MAF: variants seen among roughly 807,000 people sequenced by gnomAD.
The protein encoded by MAF is MAF bZIP transcription factor.
A neutral mutation model predicts 22.0 loss-of-function variants in MAF; 10 were observed. The observed-to-expected ratio is 0.45, with a 90% CI of 0.28 to 0.77. The LOEUF is 0.77. Ranked by LOEUF, MAF falls within the 30% of genes least tolerant of loss-of-function variation. The pLI is 0.12. For synonymous variants in MAF, 337 were observed against 255.8 expected, an observed-to-expected ratio of 1.32 and a Z score of -3.03; for missense variants, 544 against 548.4, an observed-to-expected ratio of 0.99 and a Z score of 0.08.
At chr16:79,414,627 C>G in the MAF span, among the ~76,000 whole-genome samples, 273 of 152,190 alleles carry the variant, frequency 1.8e-3, no homozygotes, top group African/African-American at 5.5e-3. Context: ...TAAACAGACA[C>G]GGACTAGTGC....
the MAF span, among the ~76,000 whole-genome samples, chr16:79,544,099 A>G: frequency 1.3e-5 from 2 of 152,140 alleles, no homozygotes; most frequent in Admixed American, 1.3e-4. Context: ...TTAAAAAGCT[A>G]CCCCAACAAG....
the MAF span, among the ~76,000 whole-genome samples, chr16:79,334,801 T>C: frequency 6.6e-6 from 1 of 151,932 alleles, no homozygotes; most frequent in Non-Finnish European, 1.5e-5. Flanking sequence ...GTAGTGAGTT[T>C]CCATGCAGGG....
the MAF span, among the ~76,000 whole-genome samples, chr16:79,220,357 A>C: frequency 6.6e-6 from 1 of 152,126 alleles, no homozygotes; most frequent in Non-Finnish European, 1.5e-5. Flanking sequence ...CCACCACTCA[A>C]AAGAACCAAC....
chr16:79,282,463 G>A, the MAF span, among the ~76,000 whole-genome samples: 1 of 152,164 alleles, frequency 6.6e-6, no homozygotes, highest in Admixed American at 6.5e-5. Flanking sequence ...TATTAATGGT[G>A]TCACCAAAGA....
At chr16:79,439,284 C>T in the MAF span, among the ~76,000 whole-genome samples, 6 of 126,610 alleles carry the variant, frequency 4.7e-5, no homozygotes, top group Non-Finnish European at 7.9e-5. Context: ...TTTTTTGAGA[C>T]GGAGTCTTGC....
chr16:79,207,106 T>G, the MAF span, among the ~76,000 whole-genome samples: 2 of 152,186 alleles, frequency 1.3e-5, no homozygotes, highest in African/African-American at 4.8e-5. Context: ...AGACAGGGCG[T>G]GTAGACGGCC....
At chr16:79,500,750 A>C in the MAF span, among the ~76,000 whole-genome samples, 1 of 152,166 alleles carries the variant, frequency 6.6e-6, no homozygotes, top group Non-Finnish European at 1.5e-5. Context: ...AGAGTAAAAA[A>C]AGTACCAGTA....
At chr16:79,561,457 C>A in the MAF span, among the ~76,000 whole-genome samples, 2 of 132,958 alleles carry the variant, frequency 1.5e-5, no homozygotes, top group Admixed American at 1.6e-4. Flanking sequence ...CTAATGCTAT[C>A]CCTCCCCCCT....
the MAF span, among the ~76,000 whole-genome samples, chr16:79,498,858 A>T: frequency 6.6e-6 from 1 of 152,166 alleles, no homozygotes; most frequent in Admixed American, 6.5e-5. Flanking sequence ...ATCCATTCTT[A>T]AAACCTCTCC....
At chr16:79,430,831 C>T in the MAF span, among the ~76,000 whole-genome samples, 14 of 152,360 alleles carry the variant, frequency 9.2e-5, no homozygotes, top group South Asian at 8.3e-4. Context: ...GCCCTCTGCT[C>T]TTGGCCTCAG....
At chr16:79,375,917 C>T in the MAF span, among the ~76,000 whole-genome samples, 25 of 152,142 alleles carry the variant, frequency 1.6e-4, no homozygotes, top group African/African-American at 6.0e-4. Context: ...AGAATCAGAA[C>T]ATATCAAACA....
At chr16:79,390,878 G>T in the MAF span, among the ~76,000 whole-genome samples, 2 of 152,140 alleles carry the variant, frequency 1.3e-5, no homozygotes, top group African/African-American at 4.8e-5. Flanking sequence ...CCTGGGCGTT[G>T]GACCATGCTG....
At chr16:79,449,256 G>A in the MAF span, among the ~76,000 whole-genome samples, 1 of 152,320 alleles carries the variant, frequency 6.6e-6, no homozygotes, top group Non-Finnish European at 1.5e-5. Flanking sequence ...TTGCCCACTT[G>A]CCCTCTTGAT....
At chr16:79,553,316 T>C in the MAF span, among the ~76,000 whole-genome samples, 1 of 152,202 alleles carries the variant, frequency 6.6e-6, no homozygotes, top group Non-Finnish European at 1.5e-5. Flanking sequence ...AGCAGTTGGC[T>C]GAGTGGCTTC....
the MAF span, among the ~76,000 whole-genome samples, chr16:79,284,371 A>T: frequency 6.6e-6 from 1 of 152,218 alleles, no homozygotes; most frequent in African/African-American, 2.4e-5. Context: ...TTCACTTGGC[A>T]ACATCACCCC....
the MAF span, among the ~76,000 whole-genome samples, chr16:79,546,462 G>A: frequency 2.6e-4 from 39 of 152,272 alleles, 1 homozygote; most frequent in African/African-American, 8.4e-4. Flanking sequence ...TGTAGGAAGT[G>A]ATAAGATGGT....
chr16:79,439,618 G>T, the MAF span, among the ~76,000 whole-genome samples: 2 of 152,100 alleles, frequency 1.3e-5, no homozygotes, highest in Non-Finnish European at 2.9e-5. Context: ...AGGTTCCAAG[G>T]AATAGTATAT....
the MAF span, among the ~76,000 whole-genome samples, chr16:79,256,187 A>G: frequency 4.0e-5 from 6 of 150,438 alleles, no homozygotes; most frequent in Admixed American, 2.0e-4. Context: ...ACGGGATTTC[A>G]CCATGTTAGA....
chr16:79,454,212 A>G, the MAF span, among the ~76,000 whole-genome samples: 2 of 152,116 alleles, frequency 1.3e-5, no homozygotes, highest in African/African-American at 4.8e-5. Context: ...GAGAGGCTGA[A>G]CTTCATATCA....
Sources: gnomAD v4.1 joint callset for allele counts (sites outside exome capture counted in the v4.1 genomes callset) on GRCh38, gnomAD v4.1.1 for gene constraint, MANE v1.5 for transcripts, NCBI Gene and HGNC (gene_info 2026-07-23, HGNC 2026-07-21) for gene names.